The following KHSRP variants were observed in gnomAD, a reference collection of about 807,000 sequenced individuals.
The protein encoded by KHSRP is far upstream element-binding protein 2.
In KHSRP, 13 loss-of-function variants were observed where a neutral mutation model predicts 94.9. That is an observed-to-expected ratio of 0.14 (90% CI 0.09 to 0.22). KHSRP has a LOEUF of 0.22. Among genes scored for constraint, KHSRP ranks in the 10% least tolerant of loss-of-function variants. The probability of loss-of-function intolerance (pLI) is 1.00; values close to 1 mark genes in which losing one functional copy is unlikely to be tolerated. For synonymous variants in KHSRP, 495 were observed against 401.4 expected, an observed-to-expected ratio of 1.23 and a Z score of -2.79; for missense variants, 710 against 1,010.0, an observed-to-expected ratio of 0.70 and a Z score of 4.03.
chr19:6,419,491 G>A (rs1187198368), intron 6 of KHSRP, among the ~76,000 whole-genome samples: 1 of 152,200 alleles, frequency 6.6e-6, no homozygotes, highest in East Asian at 1.9e-4. Context: ...TGAGGTGGAG[G>A]GAGTTGCAGA....
intron 1 of KHSRP, among the ~76,000 whole-genome samples, chr19:6,422,826 G>A (rs2092203058): frequency 6.6e-6 from 1 of 152,146 alleles, no homozygotes. Flanking sequence ...CAGAAAACCA[G>A]AAAGTGTGTT....
At position 6,419,275 on chromosome 19, in the gene KHSRP, T is replaced by TA. The variant is rs151235276; in HGVS notation, c.548-16dup. On this transcript the variant is annotated splice_polypyrimidine_tract_variant and intron_variant, in intron 6 of 18. Coordinates refer to ENST00000600480, the MANE Select transcript of KHSRP (RefSeq NM_001366299.1). ...GCCACCGCTGTCTGAAAAGAGGAGA[T>TA]AGAGTCAGTGCCCTCCCTGGCCCAC... The TA allele has an allele frequency of 0.04, 62,960 of 1,558,686 alleles. 1,466 individuals carry two copies. The highest frequency in any genetic ancestry group is 0.054 in the South Asian group (4,573 of 84,372).
Position 6,415,177 on chromosome 19 carries a change from G to A in KHSRP, c.2091C>T (p.Gly697=), listed in dbSNP as rs370464050. 9.9e-6 allele frequency: 16 copies of A among 1,608,744 alleles called. No homozygotes were observed. Among genetic ancestry groups the A allele is most frequent in the African/African-American group, 1.3e-5 (1 of 74,852 alleles). The change falls in exon 19 of 19, where the codon GGC becomes GGT. Residue 697 remains glycine, a synonymous_variant. Transcript: ENST00000600480. ...CCTGCTGCGTGGGCGGCGGCTGGGG[G>A]CCGCCAGGACCTGGGGTCTGTCCGT... ...AYYGQTPGPG[G]PQPPPTQQGQ...
At position 6,422,335 on chromosome 19, in the gene KHSRP, G is replaced by T; in HGVS notation, c.346+5C>A. On this transcript the variant is annotated splice_donor_5th_base_variant and intron_variant, in intron 2 of 18. Coordinates refer to ENST00000600480, the MANE Select transcript of KHSRP (RefSeq NM_001366299.1). ...CCTAAGCTAAAGGCAGCAGCAGGGAGTTACCTCCATCTTCCAACTGTCTCT... is the reference window on the plus strand; with the variant it reads ...CCTAAGCTAAAGGCAGCAGCAGGGATTTACCTCCATCTTCCAACTGTCTCT... 1 of 1,604,150 alleles carries T rather than the reference G, an allele frequency of 6.2e-7. No homozygotes were observed. The highest frequency in any genetic ancestry group is 2.2e-5 in the East Asian group (1 of 44,842).
At chr19:6,417,954 G>T (rs371343408) in intron 10 of KHSRP, 27 bp downstream of exon 10, 2 of 1,608,540 alleles carry the variant, frequency 1.2e-6, no homozygotes, top group East Asian at 2.2e-5. Context: ...CGGGGGAGAG[G>T]GGGGTGAAGG....
chr19:6,420,310 G>T, intron 5 of KHSRP, 112 bp downstream of exon 5: 1 of 1,187,086 alleles, frequency 8.4e-7, no homozygotes, highest in Non-Finnish European at 1.2e-6. Flanking sequence ...GGACAAATGA[G>T]AACAGCACAT....
rs2092121438 is a variant in KHSRP at position 6,414,043 on chromosome 19, GC to G, written c.*980del. ...CGCTCTCTCGCCAAACAAAACAGAA[GC>G]CCCCAAACAGAACAAAATGGAAAAA... On this transcript the variant is annotated 3_prime_UTR_variant, in exon 19 of 19. Transcript: ENST00000600480. The G allele has an allele frequency of 6.7e-7, 1 of 1,500,446 alleles. No individual in the cohort carries two copies. The allele number at this position is 1,500,446 out of a possible 1,614,324, so 92.9% of individuals were successfully genotyped here. A position where few individuals can be genotyped will look rare whatever the true frequency, so the allele number is the denominator to read the frequency against.
chr19:6,414,136 A>G lies in KHSRP; in HGVS notation c.*888T>C. The G allele has an allele frequency of 8.4e-7, 1 of 1,195,148 alleles. No homozygotes were observed. The highest frequency in any genetic ancestry group is 2.1e-4 in the Middle Eastern group (1 of 4,710). 74.0% of individuals were successfully genotyped at this position (1,195,148 alleles called of 1,614,324 possible). A position where few individuals can be genotyped will look rare whatever the true frequency, so the allele number is the denominator to read the frequency against. On this transcript the variant is annotated 3_prime_UTR_variant, in exon 19 of 19. Transcript: ENST00000600480. The stretch of plus-strand genomic sequence containing the variant: ...TTCATTGAGCCTGCGGAGAGGGAAG[A>G]GATAGGAATTGGTCACTACGGGGAG...
rs777947445 is a variant in KHSRP at position 6,416,353 on chromosome 19, T to C, written c.1543A>G (p.Met515Val). 5.0e-6 allele frequency: 8 copies of C among 1,610,610 alleles called. No homozygotes were observed. Among genetic ancestry groups the C allele is most frequent in the Non-Finnish European group, 6.8e-6 (8 of 1,179,072 alleles). ...AAGGGCCCAGGATTGAAGGGCCCCATTGGGCCAGCAGGGCCTGGGCCACCT... is the reference window on the plus strand; with the variant it reads ...AAGGGCCCAGGATTGAAGGGCCCCACTGGGCCAGCAGGGCCTGGGCCACCT... ...GPGGPGPAGP[M>V]GPFNPGPFNQ... Residue 515 changes from methionine (M) to valine (V), a missense_variant, in exon 15 of 19, where the codon ATG becomes GTG. Transcript: ENST00000600480.
At position 6,417,077 on chromosome 19, in the gene KHSRP, T is replaced by C. The variant is rs185678240; in HGVS notation, c.1092A>G (p.Thr364=). The change falls in exon 12 of 19, where the codon ACA becomes ACG. Residue 364 remains threonine, a synonymous_variant. Coordinates refer to ENST00000600480, the MANE Select transcript of KHSRP (RefSeq NM_001366299.1). ...VRIQFKQDDG[T]GPEKIAHIMG... is the part of the protein sequence containing the mutation. ...TTATATGAGCAATCTTCTCGGGCCC[T>C]GTCCCGTCATCTGAGGCCAGCACCG... 1 of 1,610,702 alleles carries C rather than the reference T, an allele frequency of 6.2e-7. No homozygotes were observed. The highest frequency in any genetic ancestry group is 1.1e-5 in the South Asian group (1 of 91,040).
intron 1 of KHSRP, chr19:6,424,108 G>A (rs2092213648): frequency 6.6e-6 from 1 of 152,154 alleles, no homozygotes; most frequent in Admixed American, 6.5e-5. Flanking sequence ...GGAGAGTAAA[G>A]GCCCTCCGCC....
chr19:6,423,697 G>A (rs770908993), intron 1 of KHSRP, among the ~76,000 whole-genome samples: 1 of 152,238 alleles, frequency 6.6e-6, no homozygotes, highest in South Asian at 2.1e-4. Flanking sequence ...GAGGCATTGG[G>A]ACAGCCCAGG....
At chr19:6,416,215 G>A (rs1009376569) in intron 15 of KHSRP, 83 bp downstream of exon 15, 47 of 1,182,798 alleles carry the variant, frequency 4.0e-5, no homozygotes, top group Admixed American at 3.3e-4. Flanking sequence ...GCACTTCTAG[G>A]GAAAGGGAAA....
intron 1 of KHSRP, chr19:6,424,088 G>A (rs909402091): frequency 2.0e-5 from 3 of 152,370 alleles, no homozygotes; most frequent in South Asian, 2.1e-4. Context: ...CCTTTGCCCT[G>A]ATATGGAGGG....
chr19:6,422,465 T>G lies in KHSRP; in HGVS notation c.250-29A>C, dbSNP rs763825206. The G allele has an allele frequency of 1.9e-6, 3 of 1,563,630 alleles. No individual in the cohort carries two copies. In the Admixed American group the frequency reaches 5.0e-5, roughly 26 times the overall value. ...GAATAAAGTAGTAAGCACAGAAGAA[T>G]TACCACCAAAAACAACCCTCCATGG... On this transcript the variant is annotated intron_variant, in intron 1 of 18. Coordinates refer to ENST00000600480, the MANE Select transcript of KHSRP (RefSeq NM_001366299.1).
rs2145116233 is a variant in KHSRP, at chr19:6,417,218, T to A, written c.1082-131A>T. 9 of 701,246 alleles carry A rather than the reference T, an allele frequency of 1.3e-5. No homozygotes were observed. The South Asian group carries it at 1.8e-4, about 14-fold the overall frequency. 43.4% of individuals were successfully genotyped at this position (701,246 alleles called of 1,614,324 possible). ...CAGACGCGCTGCGCCGCTCCCAGCC[T>A]CCACTCGCTCAGGGATTGAGGGGGA... On this transcript the variant is annotated intron_variant, in intron 11 of 18. Coordinates refer to ENST00000600480, the MANE Select transcript of KHSRP (RefSeq NM_001366299.1).
At chr19:6,417,686 C>T in intron 11 of KHSRP, 53 bp downstream of exon 11, 7 of 1,509,406 alleles carry the variant, frequency 4.6e-6, no homozygotes, top group Non-Finnish European at 6.4e-6. Flanking sequence ...GAGCCTGCCT[C>T]CCAAAGAGGG....
In KHSRP at chr19:6,419,269, A is replaced by T; in HGVS notation, c.548-9T>A. 3 of 1,563,478 alleles carry T rather than the reference A, an allele frequency of 1.9e-6. No individual in the cohort carries two copies. Among genetic ancestry groups the T allele is most frequent in the Non-Finnish European group, 2.6e-6 (3 of 1,154,954 alleles). ...GGGTAGGCCACCGCTGTCTGAAAAG[A>T]GGAGATAGAGTCAGTGCCCTCCCTG... is the stretch of plus-strand genomic sequence containing the variant. On this transcript the variant is annotated splice_polypyrimidine_tract_variant and intron_variant, in intron 6 of 18. Transcript: ENST00000600480.
chr19:6,421,422 A>G, intron 3 of KHSRP, 105 bp from the exon 4 acceptor site: 1 of 1,211,654 alleles, frequency 8.3e-7, no homozygotes. Flanking sequence ...CACGGTCCCC[A>G]GCCTGCTCCA....
Sources: gnomAD v4.1 joint callset for allele counts (sites outside exome capture counted in the v4.1 genomes callset) on GRCh38, gnomAD v4.1.1 for gene constraint, MANE v1.5 for transcripts, NCBI Gene and HGNC (gene_info 2026-07-23, HGNC 2026-07-21) for gene names.